The following RAP1GAP2 variants were observed in gnomAD, a reference collection of about 807,000 sequenced individuals.
RAP1GAP2 encodes the protein RAP1 GTPase activating protein 2.
In RAP1GAP2, 27 loss-of-function variants were observed where a neutral mutation model predicts 95.0. That is an observed-to-expected ratio of 0.28 (90% CI 0.21 to 0.39). RAP1GAP2 has a LOEUF of 0.39. Ranked by LOEUF, RAP1GAP2 falls within the 10% of genes least tolerant of loss-of-function variation. The pLI is 1.00. For synonymous variants in RAP1GAP2, 373 were observed against 380.9 expected (o/e 0.98, Z 0.24); for missense variants, 771 against 970.0 (o/e 0.79, Z 2.72).
chr17:2,795,225 C>G (rs1275128164), upstream of RAP1GAP2, among the ~76,000 whole-genome samples: 1 of 151,476 alleles, frequency 6.6e-6, no homozygotes, highest in African/African-American at 2.4e-5. Context: ...TTCCCTTTCT[C>G]CACTGCTTGG....
intron 10 of RAP1GAP2, among the ~76,000 whole-genome samples, chr17:2,981,841 A>C (rs1360169117): frequency 6.6e-6 from 1 of 152,194 alleles, no homozygotes; most frequent in African/African-American, 2.4e-5. Flanking sequence ...ACTGAGGAAT[A>C]ATTATGGCAC....
chr17:2,962,349 T>C (rs1421955726), intron 4 of RAP1GAP2: 1 of 357,142 alleles, frequency 2.8e-6, no homozygotes, highest in Non-Finnish European at 5.1e-6. Context: ...CCATCATCAT[T>C]CCCATTTTAC....
intron 11 of RAP1GAP2, 40 bp from the exon 12 acceptor site, chr17:2,991,257 A>G: frequency 2.0e-6 from 3 of 1,477,080 alleles, no homozygotes; most frequent in Non-Finnish European, 1.9e-6. Context: ...ATCAGAAAGA[A>G]TTTTTCTAAT....
At chr17:2,783,984 A>T (rs1440790045) in intron 1 of RAP1GAP2, among the ~76,000 whole-genome samples, 2 of 152,006 alleles carry the variant, frequency 1.3e-5, no homozygotes, top group Non-Finnish European at 2.9e-5. Flanking sequence ...TTATTTGTTT[A>T]TTTATTGAGA....
At chr17:2,759,969 T>C (rs1262892326) in intron 1 of RAP1GAP2, among the ~76,000 whole-genome samples, 2 of 152,096 alleles carry the variant, frequency 1.3e-5, no homozygotes, top group African/African-American at 4.8e-5. Context: ...TCCAAAGAAG[T>C]TGTACCGTTT....
At chr17:2,773,796 C>T (rs1229472002), upstream of RAP1GAP2, among the ~76,000 whole-genome samples, 2 of 151,420 alleles carry the variant, frequency 1.3e-5, no homozygotes, top group Admixed American at 6.6e-5. Flanking sequence ...TCACTCTTGT[C>T]GCCCAGGCTG....
intron 2 of RAP1GAP2, among the ~76,000 whole-genome samples, chr17:2,897,245 G>C (rs934553534): frequency 6.6e-6 from 1 of 152,030 alleles, no homozygotes; most frequent in Non-Finnish European, 1.5e-5. Context: ...GGCTGAGGCA[G>C]GAGAATTGCC....
chr17:2,898,370 T>C (rs2041909925), intron 2 of RAP1GAP2, among the ~76,000 whole-genome samples: 1 of 152,186 alleles, frequency 6.6e-6, no homozygotes, highest in Admixed American at 6.5e-5. Context: ...ACCCATTCAC[T>C]CCACCTGTTG....
Position 2,796,576 on chromosome 17 carries a change from G to A in RAP1GAP2, c.44+5G>A. 2 of 1,560,980 alleles carry A rather than the reference G, an allele frequency of 1.3e-6. No homozygotes were observed. The highest frequency in any genetic ancestry group is 1.7e-6 in the Non-Finnish European group (2 of 1,152,328). Reference sequence around the variant, plus strand: ...CTCCTTTGGGGGCTTCGGATGGTGGGTGACAGGTGGGAGGGTGGGGGAATG... The same window carrying A: ...CTCCTTTGGGGGCTTCGGATGGTGGATGACAGGTGGGAGGGTGGGGGAATG... On this transcript the variant is annotated splice_donor_5th_base_variant and intron_variant, in intron 1 of 24. Transcript: ENST00000254695. The surrounding 1 kb of genome is among the most constrained non-coding windows in gnomAD (Gnocchi z 4.7).
chr17:2,854,134 C>A (rs1029576656), intron 2 of RAP1GAP2: 2 of 985,446 alleles, frequency 2.0e-6, no homozygotes, highest in Non-Finnish European at 2.4e-6. Flanking sequence ...CGCTTCCCTC[C>A]GCTCTCCTGC....
chr17:2,957,818 C>G, intron 4 of RAP1GAP2, 24 bp downstream of exon 4: 1 of 1,566,100 alleles, frequency 6.4e-7, no homozygotes, highest in Non-Finnish European at 8.7e-7. Flanking sequence ...CCCACCGTGG[C>G]GGGGAAGAAG....
chr17:2,829,032 G>A (rs181681192), intron 2 of RAP1GAP2, among the ~76,000 whole-genome samples: 231 of 139,666 alleles, frequency 1.7e-3, no homozygotes, highest in Non-Finnish European at 2.9e-3. Context: ...GCCCAGGCTG[G>A]AGTGCAGTGG....
intron 1 of RAP1GAP2, among the ~76,000 whole-genome samples, chr17:2,769,843 C>T (rs761468325): frequency 6.6e-5 from 10 of 151,912 alleles, no homozygotes; most frequent in Non-Finnish European, 1.0e-4. Context: ...GAGGCCAAGG[C>T]GGGTGGATCA....
chr17:2,891,809 C>CTTTTTTTTTTTTT (rs1488865061), intron 2 of RAP1GAP2, among the ~76,000 whole-genome samples: 1 of 58,030 alleles, frequency 1.7e-5, no homozygotes, highest in Non-Finnish European at 4.0e-5. Flanking sequence ...ATTCATATTT[C>CTTTTTTTTTTTTT]TTTTCTTTTT....
chr17:2,903,350 A>G lies in RAP1GAP2; in HGVS notation c.81-1934A>G, dbSNP rs765028704. Among the ~76,000 whole-genome samples the G allele has an allele frequency of 1.3e-5, 2 of 152,176 alleles. No homozygotes were observed. The highest frequency in any genetic ancestry group is 2.9e-5 in the Non-Finnish European group (2 of 68,016). ...GAGGCGGTGAGCCTGTGCTGGACCC[A>G]GCTCTGTTGTGCACACAGGCAGGTG... On this transcript the variant is annotated intron_variant, in intron 2 of 24. Coordinates refer to ENST00000254695, the MANE Select transcript of RAP1GAP2 (RefSeq NM_015085.5). This position sits in a 1 kb window ranked among gnomAD's most constrained non-coding sequence, Gnocchi z 4.1.
At chr17:2,899,569 G>A (rs111386602) in intron 2 of RAP1GAP2, among the ~76,000 whole-genome samples, 1 of 151,644 alleles carries the variant, frequency 6.6e-6, no homozygotes, top group Non-Finnish European at 1.5e-5. Context: ...GGAGTGCAGT[G>A]GCACAATCTT....
At chr17:2,928,583 C>T (rs945195411) in intron 3 of RAP1GAP2, among the ~76,000 whole-genome samples, 6 of 152,144 alleles carry the variant, frequency 3.9e-5, no homozygotes, top group Admixed American at 3.9e-4. Context: ...TCGTGGTCCC[C>T]CAGGTCAGAT....
Position 3,018,035 on chromosome 17 carries a change from C to G in RAP1GAP2, c.1495-26C>G, listed in dbSNP as rs752238807. 1.3e-5 allele frequency: 20 copies of G among 1,561,144 alleles called. No individual in the cohort carries two copies. The East Asian group carries it at 4.8e-4, about 37-fold the overall frequency. Reference sequence around the variant, plus strand: ...CATCCGGAGAGCCCGGGTGCTGATTCTCAGGCCCTTGTTCTCTCCCCGTAG... The same window carrying G: ...CATCCGGAGAGCCCGGGTGCTGATTGTCAGGCCCTTGTTCTCTCCCCGTAG... On this transcript the variant is annotated intron_variant, in intron 17 of 24. Coordinates refer to ENST00000254695, the MANE Select transcript of RAP1GAP2 (RefSeq NM_015085.5).
At chr17:2,948,877 T>G (rs1414322930) in intron 3 of RAP1GAP2, among the ~76,000 whole-genome samples, 3 of 152,188 alleles carry the variant, frequency 2.0e-5, no homozygotes, top group Non-Finnish European at 4.4e-5. Context: ...TCCCGTCGCT[T>G]CTTCTGCTTT....
Sources: gnomAD v4.1 joint callset for allele counts (sites outside exome capture counted in the v4.1 genomes callset) on GRCh38, gnomAD v4.1.1 for gene constraint, Gnocchi (gnomAD v3.1) non-coding constraint, MANE v1.5 for transcripts, NCBI Gene and HGNC (gene_info 2026-07-23, HGNC 2026-07-21) for gene names.